KIF16B: variants seen among roughly 807,000 people sequenced by gnomAD.
The protein encoded by KIF16B is kinesin family member 16B, also known as kinesin-like protein KIF16B.
In KIF16B, 98 loss-of-function variants were observed where a neutral mutation model predicts 156.3. That is an observed-to-expected ratio of 0.63 (90% CI 0.53 to 0.74). The LOEUF (loss-of-function observed/expected upper bound fraction) is 0.74. KIF16B is among the 30% of genes least tolerant of loss of function. The pLI is 0.00. For missense variants in KIF16B, 1,421 were observed against 1,606.5 expected, an observed-to-expected ratio of 0.88 and a Z score of 1.97; for synonymous variants, 564 against 583.7, an observed-to-expected ratio of 0.97 and a Z score of 0.49.
chr20:16,292,701 A>G (rs1256539224), intron 25 of KIF16B, among the ~76,000 whole-genome samples: 2 of 152,056 alleles, frequency 1.3e-5, no homozygotes, highest in African/African-American at 4.8e-5. Context: ...TGAGACAGAC[A>G]GTGGTTCTTA....
intron 23 of KIF16B, among the ~76,000 whole-genome samples, chr20:16,349,512 T>C (rs2064295029): frequency 1.3e-5 from 2 of 152,218 alleles, no homozygotes; most frequent in South Asian, 2.1e-4. Context: ...TTGGCCCTAG[T>C]TCCTGCTTTT....
At chr20:16,546,295 A>G (rs530504372) in intron 1 of KIF16B, among the ~76,000 whole-genome samples, 1 of 152,200 alleles carries the variant, frequency 6.6e-6, no homozygotes, top group Non-Finnish European at 1.5e-5. Flanking sequence ...CTGATGTACA[A>G]TTTTTTGCTG....
chr20:16,300,515 AT>A (rs971370789), intron 25 of KIF16B, among the ~76,000 whole-genome samples: 140 of 151,468 alleles, frequency 9.2e-4, no homozygotes, highest in Non-Finnish European at 1.4e-3. Flanking sequence ...TTTTATTTTT[AT>A]TTTTTTAAGC....
chr20:16,323,277 T>C (rs1226564388), intron 24 of KIF16B, among the ~76,000 whole-genome samples: 2 of 152,046 alleles, frequency 1.3e-5, no homozygotes, highest in Non-Finnish European at 2.9e-5. Context: ...CTATAACCTG[T>C]CTTTTGCAAG....
Position 16,378,812 on chromosome 20 carries a change from G to C in KIF16B, c.3190C>G (p.Gln1064Glu). The change falls in exon 19 of 26, where the codon CAG (glutamine) becomes GAG (glutamate). Residue 1064 changes from glutamine to glutamate, a missense_variant. By Grantham distance (29) the Gln-to-Glu change is conservative (BLOSUM62 2). Coordinates refer to ENST00000354981, the MANE Select transcript of KIF16B (RefSeq NM_024704.5). Reference protein sequence around the residue: ...EAEQEALEKDQERLEYEIQQL... With the variant: ...EAEQEALEKDEERLEYEIQQL... The stretch of plus-strand genomic sequence containing the variant: ...CTTCCTTCCCAATCTCACCTCTCCT[G>C]GTCCTTCTCCAGGGCTTCCTGCTCA... 2.5e-6 allele frequency: 4 copies of C among 1,606,666 alleles called. No individual in the cohort carries two copies. The highest frequency in any genetic ancestry group is 3.4e-6 in the Non-Finnish European group (4 of 1,176,680).
chr20:16,540,471 T>C (rs1276774302), intron 1 of KIF16B, among the ~76,000 whole-genome samples: 1 of 152,186 alleles, frequency 6.6e-6, no homozygotes, highest in Non-Finnish European at 1.5e-5. Context: ...CTAGAACAAG[T>C]CTACATCCTT....
At chr20:16,464,065 T>G (rs2067421289) in intron 12 of KIF16B, among the ~76,000 whole-genome samples, 1 of 152,202 alleles carries the variant, frequency 6.6e-6, no homozygotes, top group South Asian at 2.1e-4. Context: ...CAGTACATTT[T>G]GTTAAATGAC....
At chr20:16,285,990 CTGAAATTGGTTG>C (rs1474460883) in intron 25 of KIF16B, among the ~76,000 whole-genome samples, 1 of 152,192 alleles carries the variant, frequency 6.6e-6, no homozygotes, top group Non-Finnish European at 1.5e-5. Flanking sequence ...GTTTCTCATT[CTGAAATTGGTTG>C]TACTAGCTCA....
intron 12 of KIF16B, among the ~76,000 whole-genome samples, chr20:16,470,844 A>AT (rs60009407): frequency 0.26 from 38,370 of 149,240 alleles, 5,104 homozygotes; most frequent in African/African-American, 0.33. Context: ...AATAAGATTG[A>AT]TTTTTTTTTT....
intron 12 of KIF16B, among the ~76,000 whole-genome samples, chr20:16,443,316 G>A (rs539577804): frequency 6.6e-6 from 1 of 152,290 alleles, no homozygotes; most frequent in Admixed American, 6.5e-5. Flanking sequence ...GTACAGAAGG[G>A]AGTTTCTTCC....
intron 17 of KIF16B, among the ~76,000 whole-genome samples, chr20:16,401,445 G>A (rs1329458021): frequency 6.6e-6 from 1 of 152,162 alleles, no homozygotes; most frequent in African/African-American, 2.4e-5. Flanking sequence ...TGCATAATAT[G>A]TCTCATTCCA....
intron 15 of KIF16B, among the ~76,000 whole-genome samples, chr20:16,416,214 T>A (rs1221653723): frequency 6.6e-6 from 1 of 152,222 alleles, no homozygotes; most frequent in Non-Finnish European, 1.5e-5. Context: ...TTTAGTTTAA[T>A]TAGATCTCAC....
intron 12 of KIF16B, among the ~76,000 whole-genome samples, chr20:16,462,274 A>G (rs2067367371): frequency 6.6e-6 from 1 of 152,008 alleles, no homozygotes; most frequent in African/African-American, 2.4e-5. Context: ...CAACTTCCAT[A>G]TGTACACTTT....
intron 12 of KIF16B, among the ~76,000 whole-genome samples, chr20:16,477,187 G>GTTTT (rs1568580585): frequency 5.0e-5 from 5 of 100,042 alleles, no homozygotes; most frequent in African/African-American, 5.3e-5. Context: ...TTTCCTTGTG[G>GTTTT]GTTTTTTTTT....
chr20:16,501,488 T>A (rs887615367), intron 10 of KIF16B, among the ~76,000 whole-genome samples: 1 of 151,868 alleles, frequency 6.6e-6, no homozygotes, highest in African/African-American at 2.4e-5. Flanking sequence ...GACTCACCAA[T>A]TCCACTTGTA....
chr20:16,294,756 A>G (rs1200588810), intron 25 of KIF16B, among the ~76,000 whole-genome samples: 1 of 152,172 alleles, frequency 6.6e-6, no homozygotes, highest in East Asian at 1.9e-4. Flanking sequence ...GCAACAGCAC[A>G]GCGTATGTCA....
chr20:16,311,987 T>C (rs1056357781), intron 25 of KIF16B, among the ~76,000 whole-genome samples: 2 of 152,256 alleles, frequency 1.3e-5, no homozygotes, highest in African/African-American at 4.8e-5. Context: ...TTTCAGTTAA[T>C]TAATTCCAAG....
chr20:16,557,340 C>T (rs994929548), intron 1 of KIF16B, among the ~76,000 whole-genome samples: 5 of 151,772 alleles, frequency 3.3e-5, no homozygotes, highest in African/African-American at 1.2e-4. Flanking sequence ...CTACTACGCC[C>T]GGCTAATTTT....
chr20:16,460,076 A>G (rs2067307164), intron 12 of KIF16B, among the ~76,000 whole-genome samples: 1 of 152,216 alleles, frequency 6.6e-6, no homozygotes, highest in South Asian at 2.1e-4. Flanking sequence ...TTCACCAGGA[A>G]CCCAGACAGA....
Sources: gnomAD v4.1 joint callset for allele counts (sites outside exome capture counted in the v4.1 genomes callset) on GRCh38, gnomAD v4.1.1 for gene constraint, MANE v1.5 for transcripts, NCBI Gene and HGNC (gene_info 2026-07-23, HGNC 2026-07-21) for gene names.